The following CACNA1A variants were observed in gnomAD, a reference collection of about 807,000 sequenced individuals.
CACNA1A encodes the protein voltage-dependent P/Q-type calcium channel subunit alpha-1A.
CACNA1A carries 57 observed loss-of-function variants against 262.4 expected under a neutral mutation model. The observed-to-expected ratio is 0.22, with a 90% CI of 0.18 to 0.27. The LOEUF is 0.27. CACNA1A is among the 10% of genes least tolerant of loss of function. The probability of loss-of-function intolerance (pLI) is 1.00; values close to 1 mark genes in which losing one functional copy is unlikely to be tolerated. For missense variants in CACNA1A, 2,526 were observed against 3,562.8 expected (o/e 0.71, Z 7.41); for synonymous variants, 1,431 against 1,419.3 (o/e 1.01, Z -0.18).
At chr19:13,471,586 A>C (rs961597524) in intron 1 of CACNA1A, among the ~76,000 whole-genome samples, 3 of 152,222 alleles carry the variant, frequency 2.0e-5, no homozygotes, top group Non-Finnish European at 4.4e-5. Context: ...AAATATCTAT[A>C]ATCTCAGTAG....
intron 31 of CACNA1A, among the ~76,000 whole-genome samples, chr19:13,240,171 C>A (rs746164187): frequency 2.1e-5 from 3 of 143,216 alleles, no homozygotes; most frequent in East Asian, 2.0e-4. Flanking sequence ...AAAAAAAGAG[C>A]GAGAGAGAGA....
At chr19:13,465,769 G>A (rs2061223618) in intron 1 of CACNA1A, among the ~76,000 whole-genome samples, 1 of 152,086 alleles carries the variant, frequency 6.6e-6, no homozygotes, top group Non-Finnish European at 1.5e-5. Flanking sequence ...GATTACAGGT[G>A]TAAGCCACTG....
chr19:13,456,547 A>G (rs10419522), intron 1 of CACNA1A, among the ~76,000 whole-genome samples: 53,653 of 151,848 alleles, frequency 0.35, 13,377 homozygotes, highest in African/African-American at 0.69. Context: ...GGTAGCGGGC[A>G]TCTGTAGTCC....
intron 3 of CACNA1A, among the ~76,000 whole-genome samples, chr19:13,434,015 TG>T (rs962338628): frequency 6.6e-6 from 1 of 152,208 alleles, no homozygotes; most frequent in Non-Finnish European, 1.5e-5. Flanking sequence ...CCGTGTGGCT[TG>T]GGGCAAGTCC....
chr19:13,214,215 G>A lies in CACNA1A; in HGVS notation c.5940+18C>T. The A allele has an allele frequency of 6.3e-7, 1 of 1,591,998 alleles. No homozygotes were observed. On this transcript the variant is annotated intron_variant, in intron 40 of 46. Coordinates refer to ENST00000360228, the MANE Select transcript of CACNA1A (RefSeq NM_001127222.2). This position sits in a 1 kb window ranked among gnomAD's most constrained non-coding sequence, Gnocchi z 4.1. ...ACTGTCCCCAGCCCAGATGTCCCCA[G>A]AGCGGCGAACAGCGCACCTGCTCCT...
intron 32 of CACNA1A, 95 bp from the exon 33 acceptor site, chr19:13,235,369 G>A: frequency 8.1e-7 from 1 of 1,227,468 alleles, no homozygotes; most frequent in South Asian, 1.3e-5. Context: ...ACTGGGTTGG[G>A]TGGCCATATG....
intron 34 of CACNA1A, among the ~76,000 whole-genome samples, chr19:13,232,094 G>A (rs2055683727): frequency 1.3e-5 from 2 of 152,114 alleles, no homozygotes; most frequent in Admixed American, 1.3e-4. Flanking sequence ...CCCCACCCCA[G>A]CAGACTTGGA....
intron 3 of CACNA1A, among the ~76,000 whole-genome samples, chr19:13,428,220 G>A (rs1046251393): frequency 6.6e-6 from 1 of 152,310 alleles, no homozygotes; most frequent in East Asian, 1.9e-4. Context: ...GAGCCACTGC[G>A]CAGGGCAAGA....
chr19:13,438,219 A>G (rs1482048681), intron 3 of CACNA1A, among the ~76,000 whole-genome samples: 3 of 152,168 alleles, frequency 2.0e-5, no homozygotes, highest in Admixed American at 6.5e-5. Flanking sequence ...CTGAGGGCCC[A>G]CAGAAGTCAG....
intron 3 of CACNA1A, among the ~76,000 whole-genome samples, chr19:13,444,860 C>T (rs181977835): frequency 1.3e-5 from 2 of 152,020 alleles, no homozygotes; most frequent in Non-Finnish European, 2.9e-5. Context: ...TGATGCGGCC[C>T]GGTGCGGTGG....
intron 3 of CACNA1A, among the ~76,000 whole-genome samples, chr19:13,421,581 GGT>G (rs906816100): frequency 1.3e-5 from 2 of 152,156 alleles, no homozygotes; most frequent in African/African-American, 2.4e-5. Context: ...GCCTTTGGGA[GGT>G]GATTAGATCA....
rs7253618 is a variant in CACNA1A at position 13,210,308 on chromosome 19, A to C, written c.6339+309T>G. ...GGGTTGGTGGTGGTGTCAGGAGAAG[A>C]AGCCCCCCAGAAAGAGGTGCAGAGT... On this transcript the variant is annotated intron_variant, in intron 44 of 46. Transcript: ENST00000360228. Among the ~76,000 whole-genome samples the C allele has an allele frequency of 0.85, 129,341 of 152,018 alleles. 55,350 individuals are homozygous for C. Among genetic ancestry groups the C allele is most frequent in the Non-Finnish European group, 0.9 (61,149 of 67,972 alleles).
chr19:13,376,815 G>GTGATATATAACACATGTTATA (rs1568586278), intron 3 of CACNA1A, among the ~76,000 whole-genome samples: 10 of 96,160 alleles, frequency 1.0e-4, no homozygotes, highest in African/African-American at 2.4e-4. Context: ...TATATGTTAT[G>GTGATATATAACACATGTTATA]TGTGATATAT....
chr19:13,298,069 C>T (rs1050393981), intron 19 of CACNA1A, among the ~76,000 whole-genome samples: 2 of 151,830 alleles, frequency 1.3e-5, no homozygotes, highest in Non-Finnish European at 2.9e-5. Context: ...GTGATCCGCC[C>T]GCCTCGGCCT....
chr19:13,461,501 T>A (rs1480126072), intron 1 of CACNA1A, among the ~76,000 whole-genome samples: 1 of 152,154 alleles, frequency 6.6e-6, no homozygotes, highest in Admixed American at 6.5e-5. Context: ...CCCCCTGAAA[T>A]ATGCAATGAT....
chr19:13,483,353 A>C (rs1599354151), intron 1 of CACNA1A, among the ~76,000 whole-genome samples: 1 of 152,244 alleles, frequency 6.6e-6, no homozygotes, highest in Non-Finnish European at 1.5e-5. Flanking sequence ...GTTGCTTGTT[A>C]CAGCAGCAAG....
chr19:13,258,154 C>T (rs2056623147), intron 27 of CACNA1A: 1 of 152,214 alleles, frequency 6.6e-6, no homozygotes, highest in African/African-American at 2.4e-5. Flanking sequence ...TTACTGGCTC[C>T]ACTTTGCACA....
In CACNA1A at chr19:13,421,600, C is replaced by G. The variant is rs181765257; in HGVS notation, c.539+31276G>C. Among the ~76,000 whole-genome samples the G allele has an allele frequency of 5.5e-3, 835 of 152,210 alleles. 4 individuals carry two copies. Among genetic ancestry groups the G allele is most frequent in the Non-Finnish European group, 8.2e-3 (559 of 68,012 alleles). On this transcript the variant is annotated intron_variant, in intron 3 of 46. Transcript: ENST00000360228. ...TTGGGAGGTGATTAGATCATGAAGACAGAGGGATTCATGCTCTCATGAAAG... is the reference window on the plus strand; with the variant it reads ...TTGGGAGGTGATTAGATCATGAAGAGAGAGGGATTCATGCTCTCATGAAAG...
At chr19:13,361,408 A>T (rs1327739696) in intron 5 of CACNA1A, among the ~76,000 whole-genome samples, 1 of 152,142 alleles carries the variant, frequency 6.6e-6, no homozygotes, top group East Asian at 1.9e-4. Flanking sequence ...GAGTGTCCTC[A>T]TTTTACCAGC....
Sources: gnomAD v4.1 joint callset for allele counts (sites outside exome capture counted in the v4.1 genomes callset) on GRCh38, gnomAD v4.1.1 for gene constraint, Gnocchi (gnomAD v3.1) non-coding constraint, MANE v1.5 for transcripts, NCBI Gene and HGNC (gene_info 2026-07-23, HGNC 2026-07-21) for gene names.